Variants in MASP1 observed in about 807,000 individuals in gnomAD.
MASP1 encodes the protein MBL associated serine protease 1.
In MASP1, 59 loss-of-function variants were observed where a neutral mutation model predicts 77.1. The ratio of observed to expected loss-of-function variants is 0.77; its 90% CI spans 0.62 to 0.95. The LOEUF is 0.95. Among genes scored for constraint, MASP1 ranks in the 40% least tolerant of loss-of-function variants. The probability of loss-of-function intolerance (pLI) is 0.00; values close to 1 mark genes in which losing one functional copy is unlikely to be tolerated. For synonymous variants in MASP1, 362 were observed against 354.5 expected, an observed-to-expected ratio of 1.02 and a Z score of -0.24; for missense variants, 885 against 912.9, an observed-to-expected ratio of 0.97 and a Z score of 0.39.
chr3:187,234,531 C>A lies in MASP1; in HGVS notation c.*1153G>T. ...TTGGGGGCAGAGCAGGGACTAGAAC[C>A]CAGGACTCCTGGCTCTTTTCACTGC... is the stretch of plus-strand genomic sequence containing the variant. On this transcript the variant is annotated 3_prime_UTR_variant, in exon 11 of 11. Transcript: ENST00000296280. The A allele has an allele frequency of 7.8e-7, 1 of 1,287,088 alleles. No individual in the cohort carries two copies. The highest frequency in any genetic ancestry group is 1.0e-6 in the Non-Finnish European group (1 of 988,622). The allele number at this position is 1,287,088 out of a possible 1,614,324, so 79.7% of individuals were successfully genotyped here.
rs1461902337 is a variant in MASP1, at chr3:187,261,365, C to CTCTT, written c.416-497_416-494dup. Among the ~76,000 whole-genome samples, 5 of 152,310 alleles carry CTCTT rather than the reference C, an allele frequency of 3.3e-5. No homozygotes were observed. In the East Asian group the frequency reaches 7.7e-4, roughly 24 times the overall value. On this transcript the variant is annotated intron_variant, in intron 3 of 10. Coordinates refer to ENST00000296280, the MANE Select transcript of MASP1 (RefSeq NM_139125.4). ...GCTCTTAACTTCTACCTCATGCTAC[C>CTCTT]TCTTTCTTTCTTTCTGCCCCTAATG...
At chr3:187,277,066 C>T (rs1241432126) in intron 2 of MASP1, among the ~76,000 whole-genome samples, 2 of 152,158 alleles carry the variant, frequency 1.3e-5, no homozygotes, top group African/African-American at 4.8e-5. Flanking sequence ...GGGCATTGGA[C>T]TGGGAGTCAC....
chr3:187,262,097 G>A (rs1421047194), intron 3 of MASP1, among the ~76,000 whole-genome samples: 1 of 152,188 alleles, frequency 6.6e-6, no homozygotes, highest in East Asian at 1.9e-4. Flanking sequence ...TTGACTGGCA[G>A]GGACACAAAG....
At chr3:187,259,361 C>T (rs2108557494) in intron 4 of MASP1, among the ~76,000 whole-genome samples, 1 of 152,244 alleles carries the variant, frequency 6.6e-6, no homozygotes, top group East Asian at 1.9e-4. Context: ...CAAGCATTCT[C>T]ATGGGGGCGA....
intron 1 of MASP1, 152 bp from the exon 2 acceptor site, chr3:187,286,208 G>C (rs1460889349): frequency 1.7e-5 from 12 of 686,746 alleles, no homozygotes; most frequent in Middle Eastern, 3.1e-4. Flanking sequence ...TCCTCAGTCT[G>C]TATTATGGGA....
downstream of MASP1, among the ~76,000 whole-genome samples, chr3:187,231,420 G>A (rs1171000307): frequency 6.6e-6 from 1 of 152,182 alleles, no homozygotes; most frequent in Non-Finnish European, 1.5e-5. Context: ...AAGACGAGTT[G>A]ACACTCCTTT....
chr3:187,281,699 T>C (rs556623310), intron 2 of MASP1, among the ~76,000 whole-genome samples: 1 of 152,288 alleles, frequency 6.6e-6, no homozygotes, highest in East Asian at 1.9e-4. Context: ...AAGGAGTGTT[T>C]GGTGGGGTCA....
chr3:187,237,924 T>C (rs1273322090), intron 10 of MASP1, among the ~76,000 whole-genome samples: 1 of 152,244 alleles, frequency 6.6e-6, no homozygotes, highest in Admixed American at 6.5e-5. Context: ...GATGCTCTTC[T>C]TCCTGAGGCC....
intron 2 of MASP1, among the ~76,000 whole-genome samples, chr3:187,274,883 G>T (rs1474159008): frequency 6.6e-6 from 1 of 151,890 alleles, no homozygotes; most frequent in Non-Finnish European, 1.5e-5. Context: ...GCAGGGGAGG[G>T]GTCCTGCCAA....
At chr3:187,274,909 G>A (rs976598852) in intron 2 of MASP1, among the ~76,000 whole-genome samples, 2 of 142,482 alleles carry the variant, frequency 1.4e-5, no homozygotes, top group Non-Finnish European at 3.1e-5. Context: ...TGGGAAGCGG[G>A]CATCCCGCAG....
Position 187,243,484 on chromosome 3 carries a change from C to T in MASP1, c.1228G>A (p.Gly410Ser). 1 of 1,614,142 alleles carries T rather than the reference C, an allele frequency of 6.2e-7. No homozygotes were observed. Among genetic ancestry groups the T allele is most frequent in the South Asian group, 1.1e-5 (1 of 91,080 alleles). The change falls in exon 9 of 11, where the codon GGT becomes AGT. Residue 410 changes from glycine to serine, a missense_variant and splice_region_variant. Coordinates refer to ENST00000296280, the MANE Select transcript of MASP1 (RefSeq NM_139125.4). ...GGATGGCTTAGCATGGATGGCTTAC[C>T]TGTGTTATTGTTGAGCATCTTGTAA... ...PYYKMLNNNT[G>S]IYTCSAQGVW...
chr3:187,230,804 G>A (rs1043565145), downstream of MASP1, among the ~76,000 whole-genome samples: 10 of 152,198 alleles, frequency 6.6e-5, no homozygotes, highest in South Asian at 2.1e-4. Context: ...TATTCCATGA[G>A]TTAGTAGCAA....
chr3:187,261,405 T>C (rs1440987685), intron 3 of MASP1, among the ~76,000 whole-genome samples: 8 of 152,204 alleles, frequency 5.3e-5, no homozygotes, highest in Non-Finnish European at 1.2e-4. Context: ...TCAAGCCCTG[T>C]CCTAGGCATT....
At chr3:187,225,224 T>C in intron 13 of MASP1, 2 of 1,363,720 alleles carry the variant, frequency 1.5e-6, no homozygotes, top group Non-Finnish European at 1.0e-6. Flanking sequence ...AAGCAGACAC[T>C]GTCAGCTGAC....
intron 5 of MASP1, among the ~76,000 whole-genome samples, chr3:187,255,856 C>T (rs931596385): frequency 5.3e-5 from 8 of 151,920 alleles, no homozygotes; most frequent in African/African-American, 1.7e-4. Context: ...TAGGACATCC[C>T]GCCATTTCCA....
chr3:187,273,427 G>A (rs918043457), intron 2 of MASP1, among the ~76,000 whole-genome samples: 10 of 152,210 alleles, frequency 6.6e-5, no homozygotes, highest in Admixed American at 2.0e-4. Flanking sequence ...GATCTCTAAA[G>A]GCTTCTGTCC....
intron 14 of MASP1, chr3:187,223,107 G>T: frequency 6.2e-7 from 1 of 1,605,946 alleles, no homozygotes; most frequent in South Asian, 1.1e-5. Flanking sequence ...ACTGTCTGTA[G>T]GTTATAAAGT....
At chr3:187,287,018 T>C (rs943519860) in intron 1 of MASP1, among the ~76,000 whole-genome samples, 4 of 152,162 alleles carry the variant, frequency 2.6e-5, no homozygotes, top group African/African-American at 9.7e-5. Context: ...AATCCATCTC[T>C]CCTCCTCTCC....
chr3:187,284,559 C>T (rs1717693376), intron 2 of MASP1, among the ~76,000 whole-genome samples: 1 of 152,156 alleles, frequency 6.6e-6, no homozygotes, highest in Non-Finnish European at 1.5e-5. Context: ...TGCAGGCAGA[C>T]CCAACATATA....
Sources: gnomAD v4.1 joint callset for allele counts (sites outside exome capture counted in the v4.1 genomes callset) on GRCh38, gnomAD v4.1.1 for gene constraint, MANE v1.5 for transcripts, NCBI Gene and HGNC (gene_info 2026-07-23, HGNC 2026-07-21) for gene names.